Variants in EHD2 observed in about 807,000 individuals in gnomAD.
EHD2 encodes the protein EH domain-containing protein 2.
Under a neutral mutation model 41.0 loss-of-function variants are expected in EHD2, and 27 were observed. The observed-to-expected ratio is 0.66, with a 90% CI of 0.49 to 0.91. The LOEUF (loss-of-function observed/expected upper bound fraction) is 0.91, where lower values mean the gene tolerates loss of function less well. Ranked by LOEUF, EHD2 falls within the 40% of genes least tolerant of loss-of-function variation. EHD2 has a pLI of 0.00. For missense variants in EHD2, 673 were observed against 773.9 expected (o/e 0.87, Z 1.55); for synonymous variants, 342 against 341.0 (o/e 1.00, Z -0.03).
rs1568590337 is a variant in EHD2, at chr19:47,726,222, CGAGT to C, written c.915+3_915+6del. The C allele has an allele frequency of 6.6e-7, 1 of 1,505,350 alleles. No individual in the cohort carries two copies. Among genetic ancestry groups the C allele is most frequent in the African/African-American group, 1.4e-5 (1 of 72,238 alleles). 93.2% of individuals were successfully genotyped at this position (1,505,350 alleles called of 1,614,324 possible). On this transcript the variant is annotated splice_donor_variant and coding_sequence_variant, in exon 4 of 6. Coordinates refer to ENST00000263277, the MANE Select transcript of EHD2 (RefSeq NM_014601.4). LOFTEE classifies it high-confidence loss of function. ...CCTGGTGAAGAGGGCCCGGCTGGTGCGAGTGAGTAGTCCTGAGGGCTGGGCGCGC... is the reference window on the plus strand; with the variant it reads ...CCTGGTGAAGAGGGCCCGGCTGGTGCGAGTAGTCCTGAGGGCTGGGCGCGC...
At chr19:47,736,921 C>T (rs1342473265) in intron 5 of EHD2, among the ~76,000 whole-genome samples, 1 of 152,118 alleles carries the variant, frequency 6.6e-6, no homozygotes, top group African/African-American at 2.4e-5. Context: ...ATTGTGTCTG[C>T]GTTCCAGCCA....
intron 3 of EHD2, among the ~76,000 whole-genome samples, chr19:47,721,092 TGAACAC>T (rs1424709723): frequency 7.2e-5 from 11 of 151,740 alleles, no homozygotes; most frequent in Non-Finnish European, 1.6e-4. Context: ...TCCCAGATTG[TGAACAC>T]GGGTATGTCT....
rs776707814 is a variant in EHD2 at position 47,742,132 on chromosome 19, C to T, written c.*700C>T. On this transcript the variant is annotated 3_prime_UTR_variant, in exon 6 of 6. Coordinates refer to ENST00000263277, the MANE Select transcript of EHD2 (RefSeq NM_014601.4). ...CTGCCCACACCCATTTATTTCCTTCCTTCCTTCCTTCTTTTCTTTCCTTCC... is the reference window on the plus strand; with the variant it reads ...CTGCCCACACCCATTTATTTCCTTCTTTCCTTCCTTCTTTTCTTTCCTTCC... 37 of 327,376 alleles carry T rather than the reference C, an allele frequency of 1.1e-4. No homozygotes were observed. The highest frequency in any genetic ancestry group is 5.4e-4 in the Admixed American group (12 of 22,292). The allele number at this position is 327,376 out of a possible 1,614,324, so 20.3% of individuals were successfully genotyped here.
chr19:47,714,155 C>T (rs956904693), intron 1 of EHD2, among the ~76,000 whole-genome samples: 7 of 152,166 alleles, frequency 4.6e-5, no homozygotes, highest in Non-Finnish European at 7.3e-5. Context: ...TATTTTGATG[C>T]TCAAATTGCC....
chr19:47,718,610 A>C lies in EHD2; in HGVS notation c.502+4A>C. ...GCCAAGCAGAGAGTGAGCCGCGGTG[A>C]GTGGGGCCAGACCCTGGGGTCTGAG... is the stretch of plus-strand genomic sequence containing the variant. On this transcript the variant is annotated splice_donor_region_variant and intron_variant, in intron 3 of 5. Coordinates refer to ENST00000263277, the MANE Select transcript of EHD2 (RefSeq NM_014601.4). 1 of 1,555,162 alleles carries C rather than the reference A, an allele frequency of 6.4e-7. No homozygotes were observed. Among genetic ancestry groups the C allele is most frequent in the Non-Finnish European group, 8.7e-7 (1 of 1,148,780 alleles).
At position 47,741,155 on chromosome 19, in the gene EHD2, A is replaced by T. The variant is rs1599906450; in HGVS notation, c.1355A>T (p.Lys452Ile). 5 of 1,613,044 alleles carry T rather than the reference A, an allele frequency of 3.1e-6. No homozygotes were observed. In the East Asian group the frequency reaches 8.9e-5, roughly 29 times the overall value. Reference sequence around the variant, plus strand: ...TGGGTGGTGACCAAGGACAAGTCCAAATACGACGAGATCTTCTACAACCTG... The same window carrying T: ...TGGGTGGTGACCAAGGACAAGTCCATATACGACGAGATCTTCTACAACCTG... ...AEWVVTKDKS[K>I]YDEIFYNLAP... The change falls in exon 6 of 6, where the codon AAA becomes ATA. Residue 452 changes from lysine to isoleucine, a missense_variant. Transcript: ENST00000263277. The surrounding 1 kb of genome is among the most constrained non-coding windows in gnomAD (Gnocchi z 4.5).
chr19:47,731,281 TATATATATATATATATATATAC>T (rs1341956514), intron 4 of EHD2: 1 of 52,036 alleles, frequency 1.9e-5, no homozygotes, highest in Non-Finnish European at 3.9e-5. Context: ...AAAAAAAAAA[TATATATATATATATATATATAC>T]ATATATATAT....
At chr19:47,731,279 A>AAAAAAAAAAAATAT in intron 4 of EHD2, 21 of 60,902 alleles carry the variant, frequency 3.4e-4, no homozygotes, top group Middle Eastern at 7.6e-3. Flanking sequence ...AAAAAAAAAA[A>AAAAAAAAAAAATAT]ATATATATAT....
At chr19:47,731,314 A>ATACATATATATAT (rs1160770476) in intron 4 of EHD2, 2 of 113,978 alleles carry the variant, frequency 1.8e-5, no homozygotes, top group Non-Finnish European at 3.9e-5. Context: ...ATATATATAT[A>ATACATATATATAT]ATTTTTTTTT....
At chr19:47,736,602 A>T in intron 5 of EHD2, 69 bp downstream of exon 5, 1 of 1,492,376 alleles carries the variant, frequency 6.7e-7, no homozygotes, top group South Asian at 1.4e-5. Flanking sequence ...AAGCTCTGAG[A>T]TGGGACCTCA....
intron 5 of EHD2, among the ~76,000 whole-genome samples, chr19:47,736,767 A>G (rs1966927512): frequency 6.6e-6 from 1 of 152,210 alleles, no homozygotes. Flanking sequence ...TTTCCTCCAT[A>G]AAAAGTCCCA....
rs2123645995 is a variant in EHD2 at position 47,726,217 on chromosome 19, T to C, written c.908T>C (p.Leu303Pro). 6.6e-7 allele frequency: 1 copy of C among 1,509,912 alleles called. No individual in the cohort carries two copies. The highest frequency in any genetic ancestry group is 8.9e-7 in the Non-Finnish European group (1 of 1,127,712). The allele number at this position is 1,509,912 out of a possible 1,614,324, so 93.5% of individuals were successfully genotyped here. A position where few individuals can be genotyped will look rare whatever the true frequency, so the allele number is the denominator to read the frequency against. Residue 303 changes from leucine (L) to proline (P), a missense_variant, in exon 4 of 6, where the codon CTG (leucine) becomes CCG (proline). Physicochemically the swap from Leu to Pro is moderately conservative, Grantham distance 98. Coordinates refer to ENST00000263277, the MANE Select transcript of EHD2 (RefSeq NM_014601.4). ...AACGACCTGGTGAAGAGGGCCCGGCTGGTGCGAGTGAGTAGTCCTGAGGGC... is the reference window on the plus strand; with the variant it reads ...AACGACCTGGTGAAGAGGGCCCGGCCGGTGCGAGTGAGTAGTCCTGAGGGC... Reference protein sequence around the residue: ...KLNDLVKRARLVRVHAYIISY... With the variant: ...KLNDLVKRARPVRVHAYIISY...
chr19:47,738,760 A>C (rs1966950949), intron 5 of EHD2, among the ~76,000 whole-genome samples: 1 of 152,158 alleles, frequency 6.6e-6, no homozygotes. Flanking sequence ...GCAACCTAGG[A>C]TCCCCAACCC....
At chr19:47,717,101 G>A (rs1973637469) in intron 2 of EHD2, 85 bp downstream of exon 2, 7 of 1,542,706 alleles carry the variant, frequency 4.5e-6, no homozygotes, top group Admixed American at 1.8e-5. Flanking sequence ...AGGCTGGAGT[G>A]CAGTGGTGCG....
rs760084581 is a variant in EHD2 at position 47,716,671 on chromosome 19, C to A, written c.59C>A (p.Thr20Lys). The change falls in exon 2 of 6, where the codon ACG becomes AAG. Residue 20 changes from threonine to lysine, a missense_variant. Thr to Lys is a moderately conservative substitution (Grantham distance 78, BLOSUM62 -1). Coordinates refer to ENST00000263277, the MANE Select transcript of EHD2 (RefSeq NM_014601.4). Reference sequence around the variant, plus strand: ...GGCCAGCAGCCCGAGGCCATCCGCACGGTGACCTCGGCCCTCAAGGAGCTG... The same window carrying A: ...GGCCAGCAGCCCGAGGCCATCCGCAAGGTGACCTCGGCCCTCAAGGAGCTG... ...ARGQQPEAIR[T>K]VTSALKELYR... The A allele has an allele frequency of 1.2e-6, 2 of 1,600,396 alleles. No individual in the cohort carries two copies. The highest frequency in any genetic ancestry group is 2.2e-5 in the East Asian group (1 of 44,618).
At chr19:47,717,070 G>C (rs769003391) in intron 2 of EHD2, 54 bp downstream of exon 2, 4 of 1,595,306 alleles carry the variant, frequency 2.5e-6, no homozygotes, top group Non-Finnish European at 3.4e-6. Flanking sequence ...TGTTAAGACA[G>C]AGTTTCCGCT....
chr19:47,719,161 C>A lies in EHD2; in HGVS notation c.502+555C>A, dbSNP rs1360013570. Among the ~76,000 whole-genome samples the A allele has an allele frequency of 1.3e-5, 2 of 152,052 alleles. No homozygotes were observed. Among genetic ancestry groups the A allele is most frequent in the Admixed American group, 6.5e-5 (1 of 15,272 alleles). ...GTGGTGGGAGCGGGCAGGAGCCGCA[C>A]GTCTGGGCAGGCAGGAAGGATGGGA... On this transcript the variant is annotated intron_variant, in intron 3 of 5. Transcript: ENST00000263277. The surrounding 1 kb of genome is among the most constrained non-coding windows in gnomAD (Gnocchi z 4.1).
Position 47,719,100 on chromosome 19 carries a change from C to T in EHD2, c.502+494C>T, listed in dbSNP as rs928378102. On this transcript the variant is annotated intron_variant, in intron 3 of 5. Coordinates refer to ENST00000263277, the MANE Select transcript of EHD2 (RefSeq NM_014601.4). This position sits in a 1 kb window ranked among gnomAD's most constrained non-coding sequence, Gnocchi z 4.1. ...AAGCTGTGACTGCTCCATGCTGGCT[C>T]GCATTGATGGGTGGGGGAGGTGTGT... Among the ~76,000 whole-genome samples, 4 of 152,022 alleles carry T rather than the reference C, an allele frequency of 2.6e-5. No individual in the cohort carries two copies. The highest frequency in any genetic ancestry group is 4.8e-5 in the African/African-American group (2 of 41,380).
At chr19:47,720,543 G>A (rs1417900175) in intron 3 of EHD2, among the ~76,000 whole-genome samples, 6 of 151,998 alleles carry the variant, frequency 3.9e-5, no homozygotes, top group African/African-American at 1.5e-4. Flanking sequence ...GTGTGCAACT[G>A]ATTCTGTCCC....
Sources: allele counts gnomAD v4.1 joint callset (sites outside exome capture counted in the v4.1 genomes callset), GRCh38; gene constraint gnomAD v4.1.1; non-coding constraint Gnocchi (gnomAD v3.1); transcripts MANE v1.5; gene names NCBI Gene and HGNC (gene_info 2026-07-23, HGNC 2026-07-21).